The following CYB5R4 variants were observed in gnomAD, a reference collection of about 807,000 sequenced individuals.
The protein encoded by CYB5R4 is cytochrome b5 reductase 4.
CYB5R4 carries 55 observed loss-of-function variants against 70.2 expected under a neutral mutation model. That is an observed-to-expected ratio of 0.78 (90% confidence interval 0.63 to 0.98). The LOEUF (loss-of-function observed/expected upper bound fraction) is 0.98. CYB5R4 is among the 50% of genes least tolerant of loss of function. The pLI is 0.00. For synonymous variants in CYB5R4, 197 were observed against 199.5 expected (o/e 0.99, Z 0.11); for missense variants, 562 against 612.6 (o/e 0.92, Z 0.87).
chr6:83,932,896 A>G (rs1305485374), intron 10 of CYB5R4, among the ~76,000 whole-genome samples: 1 of 152,212 alleles, frequency 6.6e-6, no homozygotes, highest in Non-Finnish European at 1.5e-5. Flanking sequence ...TCTCACTGAT[A>G]CACTGAGGAG....
At chr6:83,901,590 G>C (rs1389662109) in intron 3 of CYB5R4, among the ~76,000 whole-genome samples, 1 of 152,110 alleles carries the variant, frequency 6.6e-6, no homozygotes, top group African/African-American at 2.4e-5. Flanking sequence ...GTCACTTTCA[G>C]GTACACCAAT....
At chr6:83,875,580 C>T (rs137962972) in intron 2 of CYB5R4, among the ~76,000 whole-genome samples, 6,070 of 152,104 alleles carry the variant, frequency 0.04, 400 homozygotes, top group African/African-American at 0.14. Context: ...GTCCACAGTG[C>T]AAAGTAAAAG....
chr6:83,905,730 C>T (rs2099463654), intron 3 of CYB5R4, among the ~76,000 whole-genome samples: 1 of 151,948 alleles, frequency 6.6e-6, no homozygotes, highest in Non-Finnish European at 1.5e-5. Context: ...CCAATAGTGG[C>T]AACAGTGGGT....
intron 3 of CYB5R4, among the ~76,000 whole-genome samples, chr6:83,894,967 C>G (rs375609422): frequency 3.3e-5 from 5 of 151,992 alleles, no homozygotes; most frequent in Non-Finnish European, 7.4e-5. Context: ...GTTCAAGGGC[C>G]CATTGTGTTT....
At chr6:83,864,144 T>C in intron 1 of CYB5R4, 31 bp from the exon 2 acceptor site, 2 of 1,522,936 alleles carry the variant, frequency 1.3e-6, no homozygotes, top group Non-Finnish European at 1.8e-6. Context: ...GTAATGAAGC[T>C]AGATTTAATT....
intron 2 of CYB5R4, among the ~76,000 whole-genome samples, chr6:83,869,332 A>G (rs891399515): frequency 6.6e-6 from 1 of 152,210 alleles, no homozygotes; most frequent in African/African-American, 2.4e-5. Flanking sequence ...GATCCTCATT[A>G]TTCATGGACT....
At chr6:83,884,607 G>A (rs1447876290) in intron 2 of CYB5R4, among the ~76,000 whole-genome samples, 1 of 152,116 alleles carries the variant, frequency 6.6e-6, no homozygotes, top group Non-Finnish European at 1.5e-5. Context: ...TTGACAGGAA[G>A]TAATTACAAT....
At chr6:83,934,564 T>C in intron 10 of CYB5R4, 31 bp from the exon 11 acceptor site, 5 of 1,505,494 alleles carry the variant, frequency 3.3e-6, no homozygotes, top group Non-Finnish European at 4.6e-6. Flanking sequence ...TTACTTTATG[T>C]ATCAATAAGA....
chr6:83,873,166 G>C (rs1344816611), intron 2 of CYB5R4, among the ~76,000 whole-genome samples: 1 of 151,608 alleles, frequency 6.6e-6, no homozygotes, highest in Admixed American at 6.6e-5. Flanking sequence ...TTATCATGGG[G>C]TGTCTGTTAC....
At chr6:83,860,717 T>C (rs1393180537) in intron 1 of CYB5R4, among the ~76,000 whole-genome samples, 1 of 152,196 alleles carries the variant, frequency 6.6e-6, no homozygotes, top group African/African-American at 2.4e-5. Flanking sequence ...ATCGATTTTC[T>C]TATTTTTCTC....
intron 3 of CYB5R4, among the ~76,000 whole-genome samples, chr6:83,894,888 G>A (rs1052705698): frequency 1.3e-5 from 2 of 152,142 alleles, no homozygotes; most frequent in African/African-American, 4.8e-5. Flanking sequence ...TGGTCTTTCT[G>A]TCTTGAAGTG....
intron 3 of CYB5R4, among the ~76,000 whole-genome samples, chr6:83,898,817 A>G (rs2099462372): frequency 6.6e-6 from 1 of 152,134 alleles, no homozygotes; most frequent in African/African-American, 2.4e-5. Context: ...TTGATTTTGT[A>G]TCCTGAGACT....
At chr6:83,892,620 G>T (rs189532628) in intron 2 of CYB5R4, among the ~76,000 whole-genome samples, 43 of 152,294 alleles carry the variant, frequency 2.8e-4, no homozygotes, top group East Asian at 1.9e-4. Context: ...ATAGATGAAA[G>T]AAATATTTGG....
At chr6:83,953,319 A>G (rs1314565744) in intron 14 of CYB5R4, among the ~76,000 whole-genome samples, 9 of 152,054 alleles carry the variant, frequency 5.9e-5, no homozygotes, top group African/African-American at 1.7e-4. Context: ...GTGTTTCATT[A>G]GATTCATTTT....
chr6:83,893,792 CTT>C (rs1343712108), intron 3 of CYB5R4, among the ~76,000 whole-genome samples, 170 bp downstream of exon 3: 1 of 152,128 alleles, frequency 6.6e-6, no homozygotes, highest in Non-Finnish European at 1.5e-5. Context: ...TTAATTTGCC[CTT>C]TGAGTTATTA....
intron 2 of CYB5R4, among the ~76,000 whole-genome samples, chr6:83,882,404 C>T (rs1031755576): frequency 6.6e-6 from 1 of 152,170 alleles, no homozygotes; most frequent in African/African-American, 2.4e-5. Flanking sequence ...AGGCTGAAAA[C>T]GTTGAACAGA....
At chr6:83,928,131 G>C (rs1407546795) in intron 10 of CYB5R4, among the ~76,000 whole-genome samples, 3 of 152,248 alleles carry the variant, frequency 2.0e-5, no homozygotes, top group Non-Finnish European at 2.9e-5. Context: ...TCAGGAACCA[G>C]GGACACAGAC....
chr6:83,861,931 C>T (rs140635158), intron 1 of CYB5R4, among the ~76,000 whole-genome samples: 1,550 of 152,272 alleles, frequency 0.01, 97 homozygotes, highest in Admixed American at 0.092. Flanking sequence ...AATTAACCCA[C>T]GGTAAAATTA....
chr6:83,862,581 TA>T (rs1459379118), intron 1 of CYB5R4, among the ~76,000 whole-genome samples: 1 of 152,128 alleles, frequency 6.6e-6, no homozygotes, highest in Non-Finnish European at 1.5e-5. Context: ...CTAAAGTATA[TA>T]ATGGAAAGGA....
Sources: allele counts gnomAD v4.1 joint callset (sites outside exome capture counted in the v4.1 genomes callset), GRCh38; gene constraint gnomAD v4.1.1; transcripts MANE v1.5; gene names NCBI Gene and HGNC (gene_info 2026-07-23, HGNC 2026-07-21).